Variants in PTGFRN observed in about 807,000 individuals in gnomAD.
PTGFRN encodes the protein prostaglandin F2 receptor negative regulator.
PTGFRN carries 35 observed loss-of-function variants against 83.2 expected under a neutral mutation model. That is an observed-to-expected ratio of 0.42 (90% CI 0.32 to 0.56). The LOEUF (loss-of-function observed/expected upper bound fraction) is 0.56, where lower values mean the gene tolerates loss of function less well. PTGFRN is among the 20% of genes least tolerant of loss of function. PTGFRN has a pLI of 0.11. For synonymous variants in PTGFRN, 519 were observed against 498.6 expected, an observed-to-expected ratio of 1.04 and a Z score of -0.55; for missense variants, 1,051 against 1,179.5, an observed-to-expected ratio of 0.89 and a Z score of 1.60.
At chr1:116,977,570 C>T (rs1651192315) in intron 7 of PTGFRN, among the ~76,000 whole-genome samples, 1 of 152,232 alleles carries the variant, frequency 6.6e-6, no homozygotes, top group Non-Finnish European at 1.5e-5. Context: ...AAGAAACTCA[C>T]TCAAAATCGC....
chr1:116,978,450 G>A (rs1315735920), intron 7 of PTGFRN, among the ~76,000 whole-genome samples: 1 of 152,176 alleles, frequency 6.6e-6, no homozygotes, highest in African/African-American at 2.4e-5. Context: ...TATCCCTGAT[G>A]AACATCGATG....
At chr1:116,911,412 C>T (rs541394242) in intron 1 of PTGFRN, among the ~76,000 whole-genome samples, 35 of 152,280 alleles carry the variant, frequency 2.3e-4, no homozygotes, top group African/African-American at 7.9e-4. Context: ...ATAGCTACTC[C>T]CCTGCTGGGG....
intron 1 of PTGFRN, among the ~76,000 whole-genome samples, chr1:116,921,162 C>G (rs1292832715): frequency 6.6e-6 from 1 of 152,326 alleles, no homozygotes; most frequent in East Asian, 1.9e-4. Flanking sequence ...CTGGCCCTCC[C>G]TGGCTACTTT....
chr1:116,910,161 G>A lies in PTGFRN; in HGVS notation c.-43G>A, dbSNP rs980674281. On this transcript the variant is annotated 5_prime_UTR_variant, in exon 1 of 9. Transcript: ENST00000393203. ...GAAGAGGAGGAGGAGGAGAGGCGGCGGGGAAGGAGGAGGAGGGGGAGAGTC... is the reference window on the plus strand; with the variant it reads ...GAAGAGGAGGAGGAGGAGAGGCGGCAGGGAAGGAGGAGGAGGGGGAGAGTC... 8.6e-6 allele frequency: 13 copies of A among 1,517,278 alleles called. No homozygotes were observed. The highest frequency in any genetic ancestry group is 2.6e-5 in the East Asian group (1 of 39,004). The allele number at this position is 1,517,278 out of a possible 1,614,324, so 94.0% of individuals were successfully genotyped here. A position where few individuals can be genotyped will look rare whatever the true frequency, so the allele number is the denominator to read the frequency against.
chr1:116,910,865 C>T (rs577589001), intron 1 of PTGFRN, among the ~76,000 whole-genome samples: 5 of 152,178 alleles, frequency 3.3e-5, no homozygotes, highest in Non-Finnish European at 7.4e-5. Flanking sequence ...TTTCTTTTAG[C>T]TTTTCTTGAA....
intron 3 of PTGFRN, among the ~76,000 whole-genome samples, chr1:116,945,569 C>T (rs1159430684): frequency 6.6e-6 from 1 of 152,202 alleles, no homozygotes; most frequent in Admixed American, 6.5e-5. Context: ...AACCTTTCAT[C>T]TAACTTGTAT....
In PTGFRN at chr1:116,957,929, G is replaced by A. The variant is rs1193289114; in HGVS notation, c.1214-3314G>A. Among the ~76,000 whole-genome samples, 5 of 151,962 alleles carry A rather than the reference G, an allele frequency of 3.3e-5. No individual in the cohort carries two copies. In the East Asian group the frequency reaches 9.7e-4, roughly 29 times the overall value. ...GTCCTCCAGGTTCATCTGTGTTGTC[G>A]CAAATGGCAGGATTTTGTTCTTTTT... On this transcript the variant is annotated intron_variant, in intron 4 of 8. Transcript: ENST00000393203.
In PTGFRN at chr1:116,949,468, A is replaced by G; in HGVS notation, c.1109A>G (p.Tyr370Cys). 2 of 1,614,264 alleles carry G rather than the reference A, an allele frequency of 1.2e-6. No individual in the cohort carries two copies. The highest frequency in any genetic ancestry group is 1.1e-5 in the South Asian group (1 of 91,088). The change falls in exon 4 of 9, where the codon TAC becomes TGC. Residue 370 changes from tyrosine to cysteine, a missense_variant. By Grantham distance (194) the Tyr-to-Cys change is radical. Transcript: ENST00000393203. ...VRDVSKENSG[Y>C]YYCHVSLWAP... ...GATGTTAGCAAAGAAAACTCTGGCT[A>G]CTATTACTGCCACGTGTCCCTGTGG... is the stretch of plus-strand genomic sequence containing the variant.
chr1:116,951,323 T>C (rs1001218587), intron 4 of PTGFRN, among the ~76,000 whole-genome samples: 13 of 152,212 alleles, frequency 8.5e-5, no homozygotes, highest in Admixed American at 2.6e-4. Flanking sequence ...AGAGACTAAA[T>C]TGTGGAAAAG....
At chr1:116,922,139 C>G (rs1649551419) in intron 1 of PTGFRN, among the ~76,000 whole-genome samples, 1 of 152,094 alleles carries the variant, frequency 6.6e-6, no homozygotes, top group African/African-American at 2.4e-5. Context: ...CACAGAGCAG[C>G]TAAGAGCCGG....
At chr1:116,954,495 T>G (rs1382342128) in intron 4 of PTGFRN, among the ~76,000 whole-genome samples, 1 of 152,270 alleles carries the variant, frequency 6.6e-6, no homozygotes, top group Non-Finnish European at 1.5e-5. Flanking sequence ...CTGTTTCTTC[T>G]AACTGGTGCA....
At chr1:116,917,950 C>T (rs1570643059) in intron 1 of PTGFRN, among the ~76,000 whole-genome samples, 2 of 152,286 alleles carry the variant, frequency 1.3e-5, no homozygotes, top group East Asian at 1.9e-4. Flanking sequence ...TATAAAGTTT[C>T]CTCTGTGTCC....
At chr1:116,951,120 T>G (rs114500432) in intron 4 of PTGFRN, among the ~76,000 whole-genome samples, 2,489 of 152,316 alleles carry the variant, frequency 0.016, 71 homozygotes, top group African/African-American at 0.057. Flanking sequence ...AGGACTTTTT[T>G]TTTTTTAATT....
In PTGFRN at chr1:116,919,898, T is replaced by C. The variant is rs1649499383; in HGVS notation, c.49+9646T>C. Among the ~76,000 whole-genome samples, 3 of 152,262 alleles carry C rather than the reference T, an allele frequency of 2.0e-5. No individual in the cohort carries two copies. The South Asian group carries it at 6.2e-4, about 31-fold the overall frequency. ...CCTTCTACTCACTAGTTTTGTGACC[T>C]TGGACAAGTTGCTGAACAGCTCTCA... is the stretch of plus-strand genomic sequence containing the variant. On this transcript the variant is annotated intron_variant, in intron 1 of 8. Transcript: ENST00000393203.
intron 1 of PTGFRN, among the ~76,000 whole-genome samples, chr1:116,935,088 C>T (rs760530913): frequency 6.6e-6 from 1 of 152,214 alleles, no homozygotes; most frequent in Non-Finnish European, 1.5e-5. Context: ...CTTAGCTTCT[C>T]AGCCACTTAC....
chr1:116,954,054 C>T (rs779645598), intron 4 of PTGFRN, among the ~76,000 whole-genome samples: 2 of 151,878 alleles, frequency 1.3e-5, no homozygotes, highest in African/African-American at 4.8e-5. Context: ...GATAGGGTTT[C>T]GCCACGTTGG....
At position 116,987,068 on chromosome 1, in the gene PTGFRN, G is replaced by A; in HGVS notation, c.*101G>A. On this transcript the variant is annotated 3_prime_UTR_variant, in exon 9 of 9. Coordinates refer to ENST00000393203, the MANE Select transcript of PTGFRN (RefSeq NM_020440.4). The stretch of plus-strand genomic sequence containing the variant: ...ACAAAGTGTGTTACACTAAAAACCA[G>A]TCCTCTCTAATCTCAGGTGGGACTT... The A allele has an allele frequency of 7.1e-7, 1 of 1,407,832 alleles. No individual in the cohort carries two copies. Among genetic ancestry groups the A allele is most frequent in the Non-Finnish European group, 9.7e-7 (1 of 1,026,248 alleles). 87.2% of individuals were successfully genotyped at this position (1,407,832 alleles called of 1,614,324 possible). A position where few individuals can be genotyped will look rare whatever the true frequency, so the allele number is the denominator to read the frequency against.
At position 116,949,214 on chromosome 1, in the gene PTGFRN, G is replaced by T. The variant is rs1440479190; in HGVS notation, c.855G>T (p.Lys285Asn). 6.3e-7 allele frequency: 1 copy of T among 1,597,316 alleles called. No homozygotes were observed. Among genetic ancestry groups the T allele is most frequent in the South Asian group, 1.1e-5 (1 of 89,454 alleles). The change falls in exon 4 of 9, where the codon AAG becomes AAT. Residue 285 changes from lysine to asparagine, a missense_variant. Lys to Asn is a moderately conservative substitution (Grantham distance 94). Transcript: ENST00000393203. ...QPSVLRAAVP[K>N]NVSVAEGKEL... ...AAGTTCTGCGAGCAGCTGTGCCCAA[G>T]AATGTGTCTGTGGCTGAAGGAAAGG...
intron 4 of PTGFRN, among the ~76,000 whole-genome samples, chr1:116,956,833 T>C (rs976291868): frequency 1.3e-5 from 2 of 152,182 alleles, no homozygotes; most frequent in Non-Finnish European, 2.9e-5. Flanking sequence ...GTGAAGGTGT[T>C]CTTCATGAGG....
Sources: gnomAD v4.1 joint callset for allele counts (sites outside exome capture counted in the v4.1 genomes callset) on GRCh38, gnomAD v4.1.1 for gene constraint, MANE v1.5 for transcripts, NCBI Gene and HGNC (gene_info 2026-07-23, HGNC 2026-07-21) for gene names.